PLEKHM1: variants seen among roughly 807,000 people sequenced by gnomAD.
The protein encoded by PLEKHM1 is pleckstrin homology and RUN domain containing M1.
PLEKHM1 carries 28 observed loss-of-function variants against 94.3 expected under a neutral mutation model. That is an observed-to-expected ratio of 0.30 (90% CI 0.22 to 0.41). The LOEUF (loss-of-function observed/expected upper bound fraction) is 0.41, where lower values mean the gene tolerates loss of function less well. Among genes scored for constraint, PLEKHM1 ranks in the 10% least tolerant of loss-of-function variants. The pLI, the probability that PLEKHM1 is intolerant of heterozygous loss-of-function variation, is 1.00. For missense variants in PLEKHM1, 907 were observed against 1,358.6 expected (o/e 0.67, Z 5.22); for synonymous variants, 424 against 581.2 (o/e 0.73, Z 3.89).
chr17:45,455,173 T>C (rs147433953), intron 6 of PLEKHM1, among the ~76,000 whole-genome samples: 1 of 152,136 alleles, frequency 6.6e-6, no homozygotes, highest in Non-Finnish European at 1.5e-5. Context: ...CCTGCTCCCA[T>C]TCCTTCTCGA....
intron 10 of PLEKHM1, 118 bp from the exon 11 acceptor site, chr17:45,439,752 G>A: frequency 1.5e-6 from 2 of 1,348,806 alleles, no homozygotes; most frequent in Non-Finnish European, 1.0e-6. Flanking sequence ...ACCCTGCCTG[G>A]AGAACTTCTA....
Position 45,453,641 on chromosome 17 carries a change from G to A in PLEKHM1, c.2211C>T (p.Asp737=). 1.2e-6 allele frequency: 2 copies of A among 1,612,076 alleles called. No individual in the cohort carries two copies. Among genetic ancestry groups the A allele is most frequent in the Non-Finnish European group, 1.7e-6 (2 of 1,179,006 alleles). The change falls in exon 7 of 12, where the codon GAC becomes GAT. Residue 737 remains aspartate (D), a synonymous_variant. Transcript: ENST00000430334. The surrounding 1 kb of genome is among the most constrained non-coding windows in gnomAD (Gnocchi z 4.1). Reference sequence around the variant, plus strand: ...AGAAGGATGGGCCCCCAAGGCTGGTGTCTGGCAGGATGTCCCGGATGGTCT... The same window carrying A: ...AGAAGGATGGGCCCCCAAGGCTGGTATCTGGCAGGATGTCCCGGATGGTCT... ...GVETIRDILP[D]TSLGGPSFFK...
chr17:45,479,368 A>T (rs4792817), intron 2 of PLEKHM1, among the ~76,000 whole-genome samples: 79,536 of 151,796 alleles, frequency 0.52, 20,988 homozygotes, highest in South Asian at 0.62. Flanking sequence ...AAATGCAAAA[A>T]AATAGCTGGG....
intron 1 of PLEKHM1, among the ~76,000 whole-genome samples, chr17:45,485,301 G>A (rs1314511402): frequency 1.3e-5 from 2 of 152,106 alleles, no homozygotes; most frequent in Admixed American, 6.6e-5. Context: ...CAGCTCAGCA[G>A]GCCACGTCCA....
chr17:45,486,043 C>T (rs896930876), intron 1 of PLEKHM1, among the ~76,000 whole-genome samples: 17 of 148,420 alleles, frequency 1.1e-4, no homozygotes, highest in Admixed American at 5.4e-4. Context: ...GGTGAAACCC[C>T]GTCTCTACTA....
chr17:45,468,159 G>A, intron 5 of PLEKHM1, 50 bp downstream of exon 5: 2 of 1,611,588 alleles, frequency 1.2e-6, no homozygotes, highest in South Asian at 1.1e-5. Flanking sequence ...GAAACCCTGT[G>A]TCAGCTGACA....
At chr17:45,451,285 A>AG (rs2050767800) in intron 7 of PLEKHM1, among the ~76,000 whole-genome samples, 1 of 152,212 alleles carries the variant, frequency 6.6e-6, no homozygotes, top group South Asian at 2.1e-4. Flanking sequence ...AGCAGGGGGC[A>AG]GGGGAGTGTG....
intron 5 of PLEKHM1, among the ~76,000 whole-genome samples, chr17:45,466,311 T>C (rs2051318829): frequency 6.6e-6 from 1 of 152,170 alleles, no homozygotes; most frequent in Non-Finnish European, 1.5e-5. Flanking sequence ...GAAGATAATA[T>C]AGGCAAATAC....
In PLEKHM1 at chr17:45,475,172, C is replaced by A; in HGVS notation, c.851G>T (p.Cys284Phe). 6.2e-7 allele frequency: 1 copy of A among 1,613,946 alleles called. No homozygotes were observed. The highest frequency in any genetic ancestry group is 8.5e-7 in the Non-Finnish European group (1 of 1,179,862). Residue 284 changes from cysteine to phenylalanine, a missense_variant, in exon 4 of 12, where the codon TGC (cysteine) becomes TTC (phenylalanine). Around this residue, in one of 3 missense-constraint regions of PLEKHM1, gnomAD observed 477 missense variants for 601.5 expected, o/e 0.79. Transcript: ENST00000430334. The part of the protein sequence containing the change: ...QENGSKSPDH[C>F]EEPMSCDSDL... Reference sequence around the variant, plus strand: ...TGAGTCACAGGACATGGGCTCCTCGCAATGGTCTGGACTCTTGGAGCCATT... The same window carrying A: ...TGAGTCACAGGACATGGGCTCCTCGAAATGGTCTGGACTCTTGGAGCCATT...
At chr17:45,468,161 C>T in intron 5 of PLEKHM1, 48 bp downstream of exon 5, 2 of 1,611,756 alleles carry the variant, frequency 1.2e-6, no homozygotes, top group Non-Finnish European at 1.7e-6. Flanking sequence ...AACCCTGTGT[C>T]AGCTGACATT....
rs1233224460 is a variant in PLEKHM1 at position 45,436,076 on chromosome 17, G to A, written c.*1782C>T. 2.8e-5 allele frequency: 13 copies of A among 456,454 alleles called. No homozygotes were observed. The highest frequency in any genetic ancestry group is 1.6e-4 in the Admixed American group (7 of 42,568). 28.3% of individuals were successfully genotyped at this position (456,454 alleles called of 1,614,324 possible). A position where few individuals can be genotyped will look rare whatever the true frequency, so the allele number is the denominator to read the frequency against. Reference sequence around the variant, plus strand: ...ACTACCTTTCTGAGGGAGGGGAGGCGGGAAGAGTCAATGCATCTGAAAGCA... The same window carrying A: ...ACTACCTTTCTGAGGGAGGGGAGGCAGGAAGAGTCAATGCATCTGAAAGCA... On this transcript the variant is annotated 3_prime_UTR_variant, in exon 12 of 12. Coordinates refer to ENST00000430334, the MANE Select transcript of PLEKHM1 (RefSeq NM_014798.3).
chr17:45,455,450 C>A (rs1011947441), intron 6 of PLEKHM1, among the ~76,000 whole-genome samples: 80 of 151,852 alleles, frequency 5.3e-4, no homozygotes, highest in Non-Finnish European at 9.6e-4. Context: ...CCAGCCTGGA[C>A]CTTGTTCTTG....
At chr17:45,485,945 C>T (rs924059713) in intron 1 of PLEKHM1, among the ~76,000 whole-genome samples, 1 of 149,930 alleles carries the variant, frequency 6.7e-6, no homozygotes, top group Admixed American at 6.7e-5. Flanking sequence ...GGCATGGCGC[C>T]GTGGCTCACG....
At chr17:45,483,539 G>A (rs1410786377) in intron 1 of PLEKHM1, among the ~76,000 whole-genome samples, 1 of 151,754 alleles carries the variant, frequency 6.6e-6, no homozygotes, top group Non-Finnish European at 1.5e-5. Flanking sequence ...GGCCAGGCAG[G>A]CACATTCACA....
At chr17:45,468,107 T>A in intron 5 of PLEKHM1, 102 bp downstream of exon 5, 1 of 1,456,462 alleles carries the variant, frequency 6.9e-7, no homozygotes, top group Non-Finnish European at 9.5e-7. Flanking sequence ...AGAGGAAGGC[T>A]AACAGGGAAA....
chr17:45,449,418 C>A (rs1465429298), intron 8 of PLEKHM1, among the ~76,000 whole-genome samples: 1 of 152,046 alleles, frequency 6.6e-6, no homozygotes, highest in Non-Finnish European at 1.5e-5. Context: ...AACCATCTAC[C>A]CATCTAGCCA....
At position 45,436,864 on chromosome 17, in the gene PLEKHM1, C is replaced by T. The variant is rs1200963193; in HGVS notation, c.*994G>A. ...CACTTCTCCACAGTGCAGGGCGTGG[C>T]TGCCTGCCCTCTCTGGGGTCCTGCC... On this transcript the variant is annotated 3_prime_UTR_variant, in exon 12 of 12. Coordinates refer to ENST00000430334, the MANE Select transcript of PLEKHM1 (RefSeq NM_014798.3). 2 of 453,270 alleles carry T rather than the reference C, an allele frequency of 4.4e-6. No individual in the cohort carries two copies. Among genetic ancestry groups the T allele is most frequent in the Non-Finnish European group, 8.8e-6 (2 of 226,110 alleles). 28.1% of individuals were successfully genotyped at this position (453,270 alleles called of 1,614,324 possible).
At chr17:45,439,791 A>T in intron 10 of PLEKHM1, 157 bp from the exon 11 acceptor site, 1 of 961,058 alleles carries the variant, frequency 1.0e-6, no homozygotes. Flanking sequence ...GCAAGAAAAG[A>T]AAACCTCCCT....
At chr17:45,469,715 T>C (rs922756046) in intron 4 of PLEKHM1, among the ~76,000 whole-genome samples, 2 of 152,214 alleles carry the variant, frequency 1.3e-5, no homozygotes, top group Non-Finnish European at 2.9e-5. Flanking sequence ...CTGCACCATC[T>C]TAACCCCAAA....
Sources: allele counts gnomAD v4.1 joint callset (sites outside exome capture counted in the v4.1 genomes callset), GRCh38; gene constraint gnomAD v4.1.1; regional missense constraint gnomAD v4.1.1; non-coding constraint Gnocchi (gnomAD v3.1); transcripts MANE v1.5; gene names NCBI Gene and HGNC (gene_info 2026-07-23, HGNC 2026-07-21).